The following CDK13 variants were observed in gnomAD, a reference collection of about 807,000 sequenced individuals.
CDK13 encodes the protein cyclin dependent kinase 13, also known as cyclin-dependent kinase 13.
CDK13 carries 40 observed loss-of-function variants against 137.6 expected under a neutral mutation model. The observed-to-expected ratio is 0.29, with a 90% CI of 0.23 to 0.38. The LOEUF is 0.38. CDK13 is among the 10% of genes least tolerant of loss of function. CDK13 has a pLI of 1.00. For missense variants in CDK13, 1,704 were observed against 1,951.8 expected (o/e 0.87, Z 2.39); for synonymous variants, 869 against 760.1 (o/e 1.14, Z -2.36).
At chr7:40,041,332 A>C (rs1785600578) in intron 5 of CDK13, among the ~76,000 whole-genome samples, 1 of 152,298 alleles carries the variant, frequency 6.6e-6, no homozygotes, top group South Asian at 2.1e-4. Flanking sequence ...TCTCAAAAAA[A>C]CCAACTAAAC....
intron 2 of CDK13, among the ~76,000 whole-genome samples, chr7:39,992,163 G>GGGGTGGGT (rs550297232): frequency 6.8e-6 from 1 of 146,310 alleles, no homozygotes; most frequent in Non-Finnish European, 1.5e-5. Context: ...AACTAATGAG[G>GGGGTGGGT]GTGTGTGTGT....
At chr7:40,057,280 T>C (rs1368876881) in intron 7 of CDK13, among the ~76,000 whole-genome samples, 1 of 152,024 alleles carries the variant, frequency 6.6e-6, no homozygotes, top group Non-Finnish European at 1.5e-5. Flanking sequence ...TTTGAGCAGT[T>C]GTTGCTTACC....
At chr7:39,973,300 C>T (rs1398560087) in intron 1 of CDK13, among the ~76,000 whole-genome samples, 1 of 152,098 alleles carries the variant, frequency 6.6e-6, no homozygotes, top group Non-Finnish European at 1.5e-5. Context: ...CCACACCTGG[C>T]TAATTTTTTC....
chr7:40,068,774 G>T lies in CDK13; in HGVS notation c.2780+5674G>T, dbSNP rs1365531946. Among the ~76,000 whole-genome samples, 3 of 147,764 alleles carry T rather than the reference G, an allele frequency of 2.0e-5. No homozygotes were observed. In the East Asian group the frequency reaches 6.0e-4, roughly 29 times the overall value. On this transcript the variant is annotated intron_variant, in intron 9 of 13. Coordinates refer to ENST00000181839, the MANE Select transcript of CDK13 (RefSeq NM_003718.5). ...AGATAAAGAAATGGAAAAGCAGCATGAATAGTTACAGAAGGCTATATTGAG... is the reference window on the plus strand; with the variant it reads ...AGATAAAGAAATGGAAAAGCAGCATTAATAGTTACAGAAGGCTATATTGAG...
At chr7:40,005,400 G>A (rs942211221) in intron 5 of CDK13, among the ~76,000 whole-genome samples, 23 of 150,504 alleles carry the variant, frequency 1.5e-4, no homozygotes, top group African/African-American at 2.4e-4. Context: ...AGCTATTCTC[G>A]TGCCTCAGCC....
Position 40,096,254 on chromosome 7 carries a change from G to A in CDK13, c.*1274G>A, listed in dbSNP as rs1787045014. On this transcript the variant is annotated 3_prime_UTR_variant, in exon 14 of 14. Coordinates refer to ENST00000181839, the MANE Select transcript of CDK13 (RefSeq NM_003718.5). ...TATTGAAGCAAAAAGAAAAGGCAAT[G>A]AGAGAGAACTTTTATCTTCCTTCCT... 1.3e-5 allele frequency: 2 copies of A among 152,176 alleles called. No individual in the cohort carries two copies. The highest frequency in any genetic ancestry group is 3.8e-4 in the East Asian group (2 of 5,196). The allele number at this position is 152,176 out of a possible 1,614,324, so 9.4% of individuals were successfully genotyped here.
chr7:39,950,842 CGCCGCCGCA>C lies in CDK13; in HGVS notation c.210_218del (p.Ala74_Ala76del), dbSNP rs1374381388. ...TCTTCCTGGCTGCTCCCGGCACGGC[CGCCGCCGCA>C]GCCGCCGCCGCCGCGGCCTCCTCCT... On this transcript the variant is annotated inframe_deletion, in exon 1 of 14. Transcript: ENST00000181839. The C allele has an allele frequency of 3.6e-6, 5 of 1,379,626 alleles. No individual in the cohort carries two copies. Among genetic ancestry groups the C allele is most frequent in the East Asian group, 3.0e-5 (1 of 32,810 alleles). The allele number at this position is 1,379,626 out of a possible 1,614,324, so 85.5% of individuals were successfully genotyped here.
intron 1 of CDK13, among the ~76,000 whole-genome samples, chr7:39,953,237 A>G (rs1787294023): frequency 6.6e-6 from 1 of 152,220 alleles, no homozygotes; most frequent in Non-Finnish European, 1.5e-5. Context: ...AAGCATACTT[A>G]AAATGTTAGT....
At chr7:40,034,057 A>T (rs1785433726) in intron 5 of CDK13, among the ~76,000 whole-genome samples, 1 of 152,150 alleles carries the variant, frequency 6.6e-6, no homozygotes, top group Non-Finnish European at 1.5e-5. Flanking sequence ...TTTCATCATA[A>T]CTACATATTT....
At chr7:40,066,081 C>T (rs994896934) in intron 9 of CDK13, among the ~76,000 whole-genome samples, 4 of 152,060 alleles carry the variant, frequency 2.6e-5, no homozygotes, top group African/African-American at 9.7e-5. Flanking sequence ...GGAGGGTGAG[C>T]ATGTGGTCCG....
At chr7:40,016,688 A>T (rs1785011197) in intron 5 of CDK13, among the ~76,000 whole-genome samples, 1 of 152,178 alleles carries the variant, frequency 6.6e-6, no homozygotes, top group Non-Finnish European at 1.5e-5. Flanking sequence ...TTAAAGATTT[A>T]CTATAAAAGT....
chr7:39,998,445 A>G (rs913745015), intron 3 of CDK13: 1 of 38,716 alleles, frequency 2.6e-5, no homozygotes. Flanking sequence ...ATCTCTACCA[A>G]AAAAAAAAAA....
intron 5 of CDK13, among the ~76,000 whole-genome samples, chr7:40,003,710 CT>C (rs974704512): frequency 2.6e-5 from 4 of 152,156 alleles, no homozygotes; most frequent in Admixed American, 1.3e-4. Flanking sequence ...GGACGTCCTG[CT>C]TTTTTGATCT....
At chr7:40,000,644 TA>T (rs1204896722) in intron 4 of CDK13, among the ~76,000 whole-genome samples, 2 of 152,216 alleles carry the variant, frequency 1.3e-5, no homozygotes, top group Admixed American at 6.5e-5. Context: ...AATTACTGCA[TA>T]GAGTAATAAT....
At chr7:39,960,547 G>A (rs995593886) in intron 1 of CDK13, among the ~76,000 whole-genome samples, 4 of 151,424 alleles carry the variant, frequency 2.6e-5, no homozygotes, top group African/African-American at 7.3e-5. Flanking sequence ...ATGAGCCACC[G>A]CATCTGGCCA....
chr7:40,046,108 G>A (rs1785733318), intron 6 of CDK13, 83 bp downstream of exon 6: 7 of 892,724 alleles, frequency 7.8e-6, no homozygotes, highest in East Asian at 5.0e-5. Flanking sequence ...AAACCGTAGC[G>A]GCGGGGAATG....
intron 6 of CDK13, among the ~76,000 whole-genome samples, chr7:40,047,067 ATACT>A (rs1200865308): frequency 2.0e-5 from 3 of 152,024 alleles, no homozygotes; most frequent in Non-Finnish European, 4.4e-5. Context: ...ATATAAAATA[ATACT>A]TAGTTGACTT....
chr7:39,983,346 C>T (rs12672040), intron 1 of CDK13, among the ~76,000 whole-genome samples: 11 of 151,966 alleles, frequency 7.2e-5, no homozygotes, highest in Non-Finnish European at 1.2e-4. Context: ...TGATCTTGAT[C>T]TCCTGACCTC....
intron 5 of CDK13, among the ~76,000 whole-genome samples, chr7:40,038,787 C>T (rs1283588577): frequency 6.6e-6 from 1 of 152,026 alleles, no homozygotes; most frequent in African/African-American, 2.4e-5. Context: ...CCTCTGCCTC[C>T]TGGGTTCAAG....
Sources: gnomAD v4.1 joint callset for allele counts (sites outside exome capture counted in the v4.1 genomes callset) on GRCh38, gnomAD v4.1.1 for gene constraint, MANE v1.5 for transcripts, NCBI Gene and HGNC (gene_info 2026-07-23, HGNC 2026-07-21) for gene names.